Variants in RNF4 observed in about 807,000 individuals in gnomAD.
RNF4 encodes ring finger protein 4.
RNF4 carries 7 observed loss-of-function variants against 24.3 expected under a neutral mutation model. The observed-to-expected ratio is 0.29, with a 90% CI of 0.16 to 0.54. RNF4 has a LOEUF of 0.54. RNF4 is among the 20% of genes least tolerant of loss of function. The probability of loss-of-function intolerance (pLI) is 0.95; values close to 1 mark genes in which losing one functional copy is unlikely to be tolerated. For missense variants in RNF4, 209 were observed against 248.5 expected, an observed-to-expected ratio of 0.84 and a Z score of 1.07; for synonymous variants, 83 against 84.3, an observed-to-expected ratio of 0.98 and a Z score of 0.09.
In RNF4 at chr4:2,496,932, A is replaced by G. The variant is rs563199424; in HGVS notation, c.10-75A>G. 62 of 1,064,954 alleles carry G rather than the reference A, an allele frequency of 5.8e-5. 1 individual carries two copies. In the South Asian group the frequency reaches 8.7e-4, roughly 15 times the overall value. 66.0% of individuals were successfully genotyped at this position (1,064,954 alleles called of 1,614,324 possible). ...CTTCTTAATGAAGTGAACCATTTCT[A>G]TTGCCCATTTAGTTCTTCCTGAAAC... On this transcript the variant is annotated intron_variant, in intron 2 of 7. Coordinates refer to ENST00000314289, the MANE Select transcript of RNF4 (RefSeq NM_002938.5).
intron 3 of RNF4, chr4:2,499,300 T>A (rs1159858551): frequency 3.5e-5 from 16 of 451,898 alleles, no homozygotes. Context: ...TTGTTGTTTG[T>A]TTGTTTTTGA....
chr4:2,508,098 T>C (rs946360507), intron 4 of RNF4, among the ~76,000 whole-genome samples: 1 of 152,184 alleles, frequency 6.6e-6, no homozygotes, highest in Non-Finnish European at 1.5e-5. Context: ...CATCCCGCCT[T>C]GGCCTCCCAG....
chr4:2,475,052 A>G (rs183550165), intron 1 of RNF4, among the ~76,000 whole-genome samples: 537 of 152,312 alleles, frequency 3.5e-3, no homozygotes, highest in African/African-American at 0.01. Flanking sequence ...AAAAACTGTC[A>G]CAGCTGCCCC....
intron 2 of RNF4, among the ~76,000 whole-genome samples, chr4:2,493,035 G>A (rs961021902): frequency 2.0e-5 from 3 of 152,198 alleles, no homozygotes; most frequent in African/African-American, 4.8e-5. Context: ...TGAAAAGGAA[G>A]AGAATTATGA....
chr4:2,483,824 T>G (rs1462382254), intron 1 of RNF4, among the ~76,000 whole-genome samples: 2 of 151,982 alleles, frequency 1.3e-5, no homozygotes, highest in East Asian at 3.9e-4. Flanking sequence ...TATTTGTTTT[T>G]ATTGATTTTT....
intron 2 of RNF4, among the ~76,000 whole-genome samples, chr4:2,495,180 T>A (rs536538422): frequency 1.3e-5 from 2 of 152,310 alleles, no homozygotes; most frequent in South Asian, 4.1e-4. Flanking sequence ...GGTTCTGTGC[T>A]CCTTAGTCCG....
chr4:2,512,826 C>T lies in RNF4; in HGVS notation c.374+229C>T, dbSNP rs1383712228. The stretch of plus-strand genomic sequence containing the variant: ...GTGTGTGCAGACAGTCCCAGTGGCC[C>T]CAGACAGGGATCCTGGGGCTGGTAG... On this transcript the variant is annotated intron_variant, in intron 6 of 7. Coordinates refer to ENST00000314289, the MANE Select transcript of RNF4 (RefSeq NM_002938.5). The surrounding 1 kb of genome is among the most constrained non-coding windows in gnomAD (Gnocchi z 4.1). Among the ~76,000 whole-genome samples the T allele has an allele frequency of 6.6e-6, 1 of 152,096 alleles. No individual in the cohort carries two copies. Among genetic ancestry groups the T allele is most frequent in the African/African-American group, 2.4e-5 (1 of 41,418 alleles).
At chr4:2,482,173 C>G (rs148442319) in intron 1 of RNF4, among the ~76,000 whole-genome samples, 1 of 152,206 alleles carries the variant, frequency 6.6e-6, no homozygotes, top group Non-Finnish European at 1.5e-5. Flanking sequence ...GATTAGGCCC[C>G]CTCTGGTGTG....
rs1553877969 is a variant in RNF4, at chr4:2,488,809, ATTTT to A, written c.-157-1525_-157-1522del. ...TTGCAGGTGCCTGGATTTTATTTTC[ATTTT>A]TTATTTATTTATTTATTTTTTTGAG... is the stretch of plus-strand genomic sequence containing the variant. On this transcript the variant is annotated intron_variant, in intron 1 of 7. Coordinates refer to ENST00000314289, the MANE Select transcript of RNF4 (RefSeq NM_002938.5). Among the ~76,000 whole-genome samples, 3 of 98,250 alleles carry A rather than the reference ATTTT, an allele frequency of 3.1e-5. No individual in the cohort carries two copies. The South Asian group carries it at 1.1e-3, about 38-fold the overall frequency. The allele number at this position is 98,250 out of a possible 152,430, so 64.5% of individuals were successfully genotyped here.
chr4:2,485,901 G>A (rs752799024), intron 1 of RNF4, among the ~76,000 whole-genome samples: 29 of 152,154 alleles, frequency 1.9e-4, no homozygotes, highest in Non-Finnish European at 4.0e-4. Flanking sequence ...ATATGTTGGC[G>A]GAAGGAGGAG....
At chr4:2,472,148 A>G (rs756834945) in intron 1 of RNF4, among the ~76,000 whole-genome samples, 2 of 152,220 alleles carry the variant, frequency 1.3e-5, no homozygotes, top group Non-Finnish European at 2.9e-5. Flanking sequence ...AGTTGTAACT[A>G]GTGCTCATTT....
intron 4 of RNF4, among the ~76,000 whole-genome samples, chr4:2,506,556 T>C (rs1013130678): frequency 3.3e-5 from 5 of 151,766 alleles, no homozygotes; most frequent in African/African-American, 4.8e-5. Context: ...ATTTGTTTTT[T>C]TTCTTCTTCT....
chr4:2,494,526 C>G (rs567870606), intron 2 of RNF4: 1 of 151,762 alleles, frequency 6.6e-6, no homozygotes, highest in Admixed American at 6.6e-5. Context: ...TACAGGTGCC[C>G]GCCACCACGC....
Position 2,472,446 on chromosome 4 carries a change from TCTTA to T in RNF4, c.-158+3193_-158+3196del, listed in dbSNP as rs528708840. 2.8e-4 allele frequency among the ~76,000 whole-genome samples: 43 copies of T among 152,274 alleles called. No homozygotes were observed. The East Asian group carries it at 4.4e-3, about 16-fold the overall frequency. ...TCAAGGAGTAATTTCAACTCTCAAA[TCTTA>T]CTTAAGAAATGCATCTTGAGGCTGA... On this transcript the variant is annotated intron_variant, in intron 1 of 7. Transcript: ENST00000314289.
chr4:2,487,371 C>A (rs1250922043), intron 1 of RNF4, among the ~76,000 whole-genome samples: 2 of 152,116 alleles, frequency 1.3e-5, no homozygotes, highest in East Asian at 3.8e-4. Context: ...TTGCAACCTC[C>A]GCCTCCCGGG....
At chr4:2,490,288 C>A in intron 1 of RNF4, 49 bp from the exon 2 acceptor site, 1 of 571,866 alleles carries the variant, frequency 1.7e-6, no homozygotes. Context: ...AGCTTTGTTT[C>A]AATGATGTAA....
chr4:2,485,156 G>A (rs1253555974), intron 1 of RNF4, among the ~76,000 whole-genome samples: 3 of 152,104 alleles, frequency 2.0e-5, no homozygotes, highest in African/African-American at 4.8e-5. Context: ...GATCCTCAGC[G>A]CGTTTGGGCT....
chr4:2,490,767 AGTTGTCAGT>A, intron 2 of RNF4: 1 of 397,418 alleles, frequency 2.5e-6, no homozygotes, highest in African/African-American at 2.0e-5. Flanking sequence ...CCTTCACAAC[AGTTGTCAGT>A]GTCATAGAAA....
At chr4:2,504,819 G>A (rs1361798873) in intron 4 of RNF4, among the ~76,000 whole-genome samples, 1 of 140,528 alleles carries the variant, frequency 7.1e-6, no homozygotes, top group African/African-American at 2.7e-5. Flanking sequence ...GTTCACCTCC[G>A]CCTCCCGGGT....
Sources: gnomAD v4.1 joint callset for allele counts (sites outside exome capture counted in the v4.1 genomes callset) on GRCh38, gnomAD v4.1.1 for gene constraint, Gnocchi (gnomAD v3.1) non-coding constraint, MANE v1.5 for transcripts, NCBI Gene and HGNC (gene_info 2026-07-23, HGNC 2026-07-21) for gene names.